CHAF1A: variants seen among roughly 807,000 people sequenced by gnomAD.
CHAF1A encodes chromatin assembly factor 1 subunit A.
In CHAF1A, 5 loss-of-function variants were observed where a neutral mutation model predicts 93.2. That is an observed-to-expected ratio of 0.05 (90% CI 0.03 to 0.11). The LOEUF (loss-of-function observed/expected upper bound fraction) is 0.11, where lower values mean the gene tolerates loss of function less well. CHAF1A is among the 10% of genes least tolerant of loss of function. The probability of loss-of-function intolerance (pLI) is 1.00; values close to 1 mark genes in which losing one functional copy is unlikely to be tolerated. For synonymous variants in CHAF1A, 504 were observed against 510.3 expected (o/e 0.99, Z 0.17); for missense variants, 1,102 against 1,259.9 (o/e 0.87, Z 1.90).
downstream of CHAF1A, among the ~76,000 whole-genome samples, chr19:4,444,221 G>T (rs1974453649): frequency 6.6e-6 from 1 of 152,146 alleles, no homozygotes; most frequent in Non-Finnish European, 1.5e-5. Flanking sequence ...GGCGAGGGAG[G>T]GACCAATGCA....
chr19:4,435,130 G>T (rs1477464846), intron 13 of CHAF1A, among the ~76,000 whole-genome samples: 1 of 108,822 alleles, frequency 9.2e-6, no homozygotes, highest in Non-Finnish European at 1.7e-5. Flanking sequence ...TCGCGCTGTT[G>T]CCCGGGCTGG....
downstream of CHAF1A, chr19:4,449,655 TAGGTC>T (rs1974614418): frequency 6.6e-6 from 1 of 152,228 alleles, no homozygotes; most frequent in African/African-American, 2.4e-5. Flanking sequence ...CTGCCAGGCT[TAGGTC>T]AGGAGCTGGG....
chr19:4,415,739 C>T (rs73918234), intron 3 of CHAF1A, among the ~76,000 whole-genome samples: 197 of 152,198 alleles, frequency 1.3e-3, no homozygotes, highest in African/African-American at 3.9e-3. Context: ...CTTCTCACAA[C>T]GGCTCGGCCT....
chr19:4,415,145 T>G (rs1973876185), intron 3 of CHAF1A, among the ~76,000 whole-genome samples: 1 of 152,066 alleles, frequency 6.6e-6, no homozygotes, highest in Non-Finnish European at 1.5e-5. Context: ...GGGCTCCAGC[T>G]GGGTAGAATG....
chr19:4,430,966 C>T, intron 11 of CHAF1A: 2 of 307,186 alleles, frequency 6.5e-6, no homozygotes, highest in South Asian at 7.4e-5. Context: ...AAGACATGTG[C>T]ATTGTAAGTG....
intron 4 of CHAF1A, among the ~76,000 whole-genome samples, chr19:4,420,286 A>G (rs1041387992): frequency 9.9e-5 from 15 of 151,598 alleles, no homozygotes; most frequent in Non-Finnish European, 2.1e-4. Context: ...TCTGTTGCCC[A>G]TGCTGGAGTG....
intron 3 of CHAF1A, among the ~76,000 whole-genome samples, chr19:4,414,573 G>C (rs1165205303): frequency 6.6e-6 from 1 of 152,086 alleles, no homozygotes. Flanking sequence ...GACATATACT[G>C]TAAATATCTG....
chr19:4,437,072 G>T (rs1001892878), intron 13 of CHAF1A, among the ~76,000 whole-genome samples: 1 of 152,214 alleles, frequency 6.6e-6, no homozygotes, highest in Admixed American at 6.5e-5. Context: ...CCACATGCGC[G>T]TGATTGGTGG....
rs946483447 is a variant in CHAF1A at position 4,423,531 on chromosome 19, G to C, written c.1308+136G>C. On this transcript the variant is annotated intron_variant, in intron 6 of 14. Transcript: ENST00000301280. ...CAAATGGCGCCCGCAGGGAGGGCGA[G>C]TCTGTCTAGATGCGTTCTTGTTGCT... The C allele has an allele frequency of 2.3e-5, 34 of 1,465,622 alleles. 1 individual carries two copies. In the Admixed American group the frequency reaches 7.6e-4, roughly 33 times the overall value. 90.8% of individuals were successfully genotyped at this position (1,465,622 alleles called of 1,614,324 possible). A position where few individuals can be genotyped will look rare whatever the true frequency, so the allele number is the denominator to read the frequency against.
chr19:4,428,042 G>C (rs1777779981), intron 7 of CHAF1A, among the ~76,000 whole-genome samples: 1 of 149,818 alleles, frequency 6.7e-6, no homozygotes, highest in Non-Finnish European at 1.5e-5. Flanking sequence ...GTTTTTAGTA[G>C]AGATGGGGTT....
At chr19:4,420,245 GTT>G (rs11331430) in intron 4 of CHAF1A, among the ~76,000 whole-genome samples, 7 of 147,434 alleles carry the variant, frequency 4.7e-5, no homozygotes, top group Non-Finnish European at 3.0e-5. Flanking sequence ...GCAGGTGAGC[GTT>G]TTTTTTTTTT....
At chr19:4,419,211 T>G (rs1056100349) in intron 4 of CHAF1A, among the ~76,000 whole-genome samples, 1 of 151,912 alleles carries the variant, frequency 6.6e-6, no homozygotes, top group African/African-American at 2.4e-5. Flanking sequence ...GCTTAAAGGT[T>G]AGAGAAATTG....
intron 8 of CHAF1A, 42 bp from the exon 9 acceptor site, chr19:4,429,396 T>C (rs182898061): frequency 2.4e-5 from 39 of 1,604,670 alleles, no homozygotes; most frequent in Admixed American, 6.9e-5. Context: ...TGAGCAGGTC[T>C]GTAAGGCAGC....
intron 3 of CHAF1A, among the ~76,000 whole-genome samples, chr19:4,411,086 G>T (rs1429304655): frequency 1.3e-5 from 2 of 152,120 alleles, no homozygotes; most frequent in Non-Finnish European, 2.9e-5. Flanking sequence ...TAGCACTTTT[G>T]TTTGTTCATG....
downstream of CHAF1A, chr19:4,447,050 G>A: frequency 1.1e-6 from 1 of 884,002 alleles, no homozygotes; most frequent in Non-Finnish European, 1.8e-6. Context: ...GCCCAGCCCT[G>A]GGGGTGCCTC....
chr19:4,408,116 C>G (rs2145065506), intron 2 of CHAF1A, among the ~76,000 whole-genome samples: 1 of 151,740 alleles, frequency 6.6e-6, no homozygotes, highest in East Asian at 2.0e-4. Flanking sequence ...AAGCGATCCT[C>G]CTGCCTCAGC....
At chr19:4,407,774 C>G (rs552836033) in intron 2 of CHAF1A, among the ~76,000 whole-genome samples, 6 of 152,090 alleles carry the variant, frequency 3.9e-5, no homozygotes, top group African/African-American at 1.2e-4. Context: ...ATGGCGAAAC[C>G]CTGTCTCTAC....
intron 8 of CHAF1A, 143 bp from the exon 9 acceptor site, chr19:4,429,291 CCTTT>C (rs1051397598): frequency 3.3e-6 from 3 of 910,794 alleles, no homozygotes; most frequent in Non-Finnish European, 5.0e-6. Context: ...ATGTTCCTGA[CCTTT>C]CTTTGGGGAC....
At chr19:4,419,880 A>C (rs1307979712) in intron 4 of CHAF1A, among the ~76,000 whole-genome samples, 1 of 152,196 alleles carries the variant, frequency 6.6e-6, no homozygotes, top group Non-Finnish European at 1.5e-5. Context: ...AGTTTCTAGA[A>C]GCCTTCTATT....
Sources: gnomAD v4.1 joint callset for allele counts (sites outside exome capture counted in the v4.1 genomes callset) on GRCh38, gnomAD v4.1.1 for gene constraint, MANE v1.5 for transcripts, NCBI Gene and HGNC (gene_info 2026-07-23, HGNC 2026-07-21) for gene names.